MID1: variants seen among roughly 807,000 people sequenced by gnomAD.
The protein encoded by MID1 is E3 ubiquitin-protein ligase Midline-1.
A neutral mutation model predicts 40.4 loss-of-function variants in MID1; 7 were observed. That is an observed-to-expected ratio of 0.17 (90% CI 0.10 to 0.33). MID1 has a LOEUF of 0.33. Ranked by LOEUF, MID1 falls within the 10% of genes least tolerant of loss-of-function variation. The pLI is 1.00. For missense variants in MID1, 367 were observed against 558.5 expected, an observed-to-expected ratio of 0.66 and a Z score of 3.46; for synonymous variants, 229 against 221.2, an observed-to-expected ratio of 1.04 and a Z score of -0.31.
intron 8 of MID1, among the ~76,000 whole-genome samples, chrX:10,458,526 A>G (rs1011136736): frequency 6.2e-5 from 7 of 112,104 alleles, no homozygotes; most frequent in African/African-American, 1.9e-4. Flanking sequence ...TAAGATGTTA[A>G]TATTTGGGCA....
chrX:10,505,534 C>G, intron 3 of MID1: 2 of 753,429 alleles, frequency 2.7e-6, no homozygotes, highest in Non-Finnish European at 3.1e-6. Flanking sequence ...TCTACTTAAC[C>G]TGCCATGGGT....
intron 1 of MID1, among the ~76,000 whole-genome samples, chrX:10,726,346 T>C (rs766336424): frequency 8.9e-6 from 1 of 112,152 alleles, no homozygotes; most frequent in South Asian, 3.7e-4. Flanking sequence ...GCAGTAAACA[T>C]TTAATCTAAA....
intron 1 of MID1, among the ~76,000 whole-genome samples, chrX:10,822,876 A>C (rs1353499721): frequency 8.9e-6 from 1 of 112,127 alleles, no homozygotes; most frequent in East Asian, 2.8e-4. Flanking sequence ...TGTTGGTAGG[A>C]GTGTAAATTA....
chrX:10,548,141 C>T (rs1933770605), intron 2 of MID1, among the ~76,000 whole-genome samples: 1 of 111,772 alleles, frequency 8.9e-6, no homozygotes, highest in Non-Finnish European at 1.9e-5. Context: ...GGGAAGCCCT[C>T]ATAAATTATG....
chrX:10,681,932 T>C (rs113030279), intron 1 of MID1, among the ~76,000 whole-genome samples: 10 of 112,195 alleles, frequency 8.9e-5, no homozygotes, highest in African/African-American at 3.2e-4. Flanking sequence ...AAACATTTGT[T>C]GAATAAACCT....
intron 1 of MID1, among the ~76,000 whole-genome samples, chrX:10,705,260 TG>T (rs2043222508): frequency 8.9e-6 from 1 of 112,459 alleles, no homozygotes; most frequent in African/African-American, 3.2e-5. Context: ...TAAATCCCTT[TG>T]TTACTATGAA....
chrX:10,825,970 T>C (rs777941349), intron 1 of MID1, among the ~76,000 whole-genome samples: 9 of 111,598 alleles, frequency 8.1e-5, no homozygotes, highest in African/African-American at 2.3e-4. Flanking sequence ...GGTGAGTGTT[T>C]ATGACCTAAT....
At chrX:10,530,172 T>C (rs1932923759) in intron 2 of MID1, among the ~76,000 whole-genome samples, 2 of 111,956 alleles carry the variant, frequency 1.8e-5, no homozygotes, top group African/African-American at 3.2e-5. Flanking sequence ...TTTATAAAAA[T>C]AGAGAGATGC....
chrX:10,629,115 A>G (rs773738136), intron 1 of MID1, among the ~76,000 whole-genome samples: 94 of 111,800 alleles, frequency 8.4e-4, no homozygotes, highest in Non-Finnish European at 1.5e-3. Context: ...CCCAACCACA[A>G]TCTACCTCCA....
chrX:10,757,835 C>T (rs2147118143), intron 1 of MID1, among the ~76,000 whole-genome samples: 1 of 111,554 alleles, frequency 9.0e-6, no homozygotes, highest in Admixed American at 9.5e-5. Context: ...TTTACTAACT[C>T]AATATGTACC....
At chrX:10,454,755 T>TACA (rs972529169) in intron 9 of MID1, 115 bp downstream of exon 9, 26 of 654,207 alleles carry the variant, frequency 4.0e-5, no homozygotes, top group Non-Finnish European at 6.5e-5. Flanking sequence ...AGCTGACTAA[T>TACA]ACAACTTTTC....
chrX:10,645,052 G>A (rs1019670624), intron 1 of MID1, among the ~76,000 whole-genome samples: 1 of 111,634 alleles, frequency 9.0e-6, no homozygotes, highest in Non-Finnish European at 1.9e-5. Flanking sequence ...GGTAAGTACA[G>A]TTAGTTGAGC....
In MID1 at chrX:10,482,642, G is replaced by C; in HGVS notation, c.865-14C>G. 2.5e-6 allele frequency: 3 copies of C among 1,205,616 alleles called. No homozygotes were observed. Among genetic ancestry groups the C allele is most frequent in the South Asian group, 3.5e-5 (2 of 56,785 alleles). ...AAGCCTCATCACCTTGAACAAAAGA[G>C]GCATGGAGAGAGATGGTTACATGGG... On this transcript the variant is annotated splice_polypyrimidine_tract_variant and intron_variant, in intron 4 of 9. Transcript: ENST00000317552.
intron 1 of MID1, among the ~76,000 whole-genome samples, chrX:10,771,408 G>A (rs772158427): frequency 9.0e-6 from 1 of 110,872 alleles, no homozygotes; most frequent in East Asian, 2.8e-4. Flanking sequence ...CCTCAAATTG[G>A]TATTTATATG....
At chrX:10,579,108 C>T (rs1028913982) in intron 1 of MID1, among the ~76,000 whole-genome samples, 8 of 111,932 alleles carry the variant, frequency 7.1e-5, no homozygotes, top group Non-Finnish European at 1.5e-4. Context: ...ATCCCTTCTG[C>T]ATTACAGAAA....
chrX:10,452,786 A>G, intron 9 of MID1, among the ~76,000 whole-genome samples: 1 of 111,520 alleles, frequency 9.0e-6, no homozygotes, highest in East Asian at 2.8e-4. Context: ...GTTAGTTTTG[A>G]CATCTGGAGG....
chrX:10,776,825 C>A (rs1376441942), intron 1 of MID1, among the ~76,000 whole-genome samples: 1 of 112,054 alleles, frequency 8.9e-6, no homozygotes, highest in Non-Finnish European at 1.9e-5. Flanking sequence ...GGAAAATAAA[C>A]AGTTAAATGA....
chrX:10,676,606 A>T (rs1261429690), intron 1 of MID1, among the ~76,000 whole-genome samples: 1 of 110,949 alleles, frequency 9.0e-6, no homozygotes, highest in East Asian at 2.8e-4. Flanking sequence ...CCTCTGTTTG[A>T]TTTCTTCCCA....
At chrX:10,674,346 C>T (rs16986233) in intron 1 of MID1, among the ~76,000 whole-genome samples, 17,432 of 111,724 alleles carry the variant, frequency 0.16, 2,202 homozygotes, top group African/African-American at 0.43. Flanking sequence ...AACTGAACCA[C>T]GGGAGCTGGC....
Sources: allele counts gnomAD v4.1 joint callset (sites outside exome capture counted in the v4.1 genomes callset), GRCh38; gene constraint gnomAD v4.1.1; transcripts MANE v1.5; gene names NCBI Gene and HGNC (gene_info 2026-07-23, HGNC 2026-07-21).